The following VPS13B variants were observed in gnomAD, a reference collection of about 807,000 sequenced individuals.
VPS13B encodes vacuolar protein sorting 13 homolog B, also known as intermembrane lipid transfer protein VPS13B.
A neutral mutation model predicts 426.4 loss-of-function variants in VPS13B; 285 were observed. That is an observed-to-expected ratio of 0.67 (90% CI 0.61 to 0.74). The LOEUF is 0.74. VPS13B is among the 30% of genes least tolerant of loss of function. VPS13B has a pLI of 0.00. For missense variants in VPS13B, 4,537 were observed against 4,782.6 expected (o/e 0.95, Z 1.51); for synonymous variants, 1,676 against 1,676.4 (o/e 1.00, Z 0.01).
intron 39 of VPS13B, among the ~76,000 whole-genome samples, chr8:99,744,848 A>T (rs954884194): frequency 6.6e-5 from 10 of 152,090 alleles, no homozygotes; most frequent in African/African-American, 2.4e-4. Context: ...GAGGGATAGC[A>T]TTAGGAGATA....
chr8:99,299,377 T>G (rs970490715), intron 19 of VPS13B, among the ~76,000 whole-genome samples: 5 of 152,004 alleles, frequency 3.3e-5, no homozygotes, highest in African/African-American at 1.2e-4. Flanking sequence ...ATTCCACCGC[T>G]TTACGTTTTA....
At chr8:99,175,912 A>T (rs1004693197) in intron 16 of VPS13B, among the ~76,000 whole-genome samples, 2 of 152,240 alleles carry the variant, frequency 1.3e-5, no homozygotes. Context: ...GTAGTACTAC[A>T]TGGTGTACTA....
In VPS13B at chr8:99,169,151, C is replaced by A. The variant is rs998773814; in HGVS notation, c.2209-888C>A. On this transcript the variant is annotated intron_variant, in intron 15 of 61. Coordinates refer to ENST00000357162, the MANE Select transcript of VPS13B (RefSeq NM_152564.5). ...TATGGAAGTCAGTGCTTTATAAACC[C>A]AAGGGATAAAAAACAGTAACTAAAG... 7.9e-5 allele frequency among the ~76,000 whole-genome samples: 12 copies of A among 151,934 alleles called. 2 individuals are homozygous for A. The highest frequency in any genetic ancestry group is 6.6e-4 in the Admixed American group (10 of 15,260).
chr8:99,558,373 C>A (rs1054788919), intron 31 of VPS13B, among the ~76,000 whole-genome samples: 17 of 151,984 alleles, frequency 1.1e-4, no homozygotes, highest in Non-Finnish European at 2.1e-4. Flanking sequence ...TAGCTCCTAT[C>A]ATTTAGCAAG....
At chr8:99,842,453 A>T (rs72676263) in intron 54 of VPS13B, among the ~76,000 whole-genome samples, 23,792 of 124,968 alleles carry the variant, frequency 0.19, 2,464 homozygotes, top group East Asian at 0.36. Context: ...TACAGAAATT[A>T]AAAAAAAAAA....
intron 33 of VPS13B, among the ~76,000 whole-genome samples, chr8:99,617,693 G>A (rs1828155837): frequency 6.6e-6 from 1 of 152,178 alleles, no homozygotes; most frequent in African/African-American, 2.4e-5. Flanking sequence ...ACAGAATTAA[G>A]TGTAACTCCT....
intron 37 of VPS13B, among the ~76,000 whole-genome samples, chr8:99,719,535 T>C (rs1833054660): frequency 6.6e-6 from 1 of 152,232 alleles, no homozygotes. Context: ...TACTACTATA[T>C]ATTCTTTTTT....
chr8:99,045,253 G>T (rs1479169159), intron 3 of VPS13B, among the ~76,000 whole-genome samples: 4 of 152,166 alleles, frequency 2.6e-5, no homozygotes, highest in African/African-American at 9.7e-5. Flanking sequence ...ATTCTTGCAG[G>T]AGTAAGTTGG....
intron 23 of VPS13B, among the ~76,000 whole-genome samples, chr8:99,458,198 G>C (rs927378978): frequency 1.1e-4 from 17 of 151,818 alleles, no homozygotes; most frequent in Non-Finnish European, 2.1e-4. Context: ...ATAGTTTGCT[G>C]AGAATGATGG....
intron 2 of VPS13B, among the ~76,000 whole-genome samples, chr8:99,029,807 G>A (rs1257841832): frequency 6.9e-6 from 1 of 144,400 alleles, no homozygotes; most frequent in Non-Finnish European, 1.5e-5. Flanking sequence ...GGGAGAGGGA[G>A]ACGGAGAGGG....
intron 3 of VPS13B, among the ~76,000 whole-genome samples, chr8:99,095,496 T>C (rs766778410): frequency 3.9e-5 from 6 of 152,206 alleles, no homozygotes; most frequent in Non-Finnish European, 8.8e-5. Context: ...AGAATGACTC[T>C]TTTTATACTC....
At chr8:99,087,190 G>A (rs1845866235) in intron 3 of VPS13B, among the ~76,000 whole-genome samples, 1 of 152,156 alleles carries the variant, frequency 6.6e-6, no homozygotes, top group African/African-American at 2.4e-5. Context: ...CTGCCCCCTT[G>A]CAGTTTGATC....
intron 3 of VPS13B, chr8:99,092,242 C>A (rs1033471121): frequency 6.6e-6 from 1 of 152,166 alleles, no homozygotes; most frequent in Non-Finnish European, 1.5e-5. Context: ...TTGCTTGTTT[C>A]ATGAGGAGCA....
At chr8:99,594,305 A>G (rs115598882) in intron 33 of VPS13B, among the ~76,000 whole-genome samples, 1 of 151,896 alleles carries the variant, frequency 6.6e-6, no homozygotes, top group South Asian at 2.1e-4. Flanking sequence ...TGTTACTTTA[A>G]TTCATGTGAG....
chr8:99,868,090 C>G, intron 58 of VPS13B, 199 bp from the exon 59 acceptor site: 3 of 626,910 alleles, frequency 4.8e-6, no homozygotes. Context: ...TCCGTCTGAA[C>G]ATTGTATTTT....
chr8:99,852,585 A>G lies in VPS13B; in HGVS notation c.10062-866A>G, dbSNP rs567988682. On this transcript the variant is annotated intron_variant, in intron 55 of 61. Coordinates refer to ENST00000357162, the MANE Select transcript of VPS13B (RefSeq NM_152564.5). ...TCATATGTTGTTAGTATGTCGAATA[A>G]GCAAAAAACTGAAAGTCCATCATTT... is the stretch of plus-strand genomic sequence containing the variant. Among the ~76,000 whole-genome samples the G allele has an allele frequency of 2.0e-5, 3 of 152,346 alleles. No individual in the cohort carries two copies. The South Asian group carries it at 6.2e-4, about 32-fold the overall frequency.
At chr8:99,262,477 A>G (rs571137845) in intron 17 of VPS13B, among the ~76,000 whole-genome samples, 2 of 152,162 alleles carry the variant, frequency 1.3e-5, no homozygotes, top group East Asian at 3.9e-4. Context: ...CACCTGTCTT[A>G]TTAGTATTTC....
chr8:99,463,521 A>C (rs1202063224), intron 23 of VPS13B, among the ~76,000 whole-genome samples: 2 of 152,188 alleles, frequency 1.3e-5, no homozygotes, highest in Non-Finnish European at 2.9e-5. Context: ...TTACAGAGCA[A>C]ATAAAACTGA....
intron 36 of VPS13B, among the ~76,000 whole-genome samples, chr8:99,716,670 G>C (rs1324281761): frequency 2.0e-5 from 3 of 152,166 alleles, no homozygotes; most frequent in African/African-American, 7.2e-5. Flanking sequence ...GATGTGTGAA[G>C]TTTGGATTAA....
Sources: allele counts gnomAD v4.1 joint callset (sites outside exome capture counted in the v4.1 genomes callset), GRCh38; gene constraint gnomAD v4.1.1; transcripts MANE v1.5; gene names NCBI Gene and HGNC (gene_info 2026-07-23, HGNC 2026-07-21).